ARHGAP40: variants seen among roughly 807,000 people sequenced by gnomAD.
ARHGAP40 encodes rho GTPase-activating protein 40.
In ARHGAP40, 43 loss-of-function variants were observed where a neutral mutation model predicts 73.5. The ratio of observed to expected loss-of-function variants is 0.58; its 90% CI spans 0.46 to 0.75. The LOEUF (loss-of-function observed/expected upper bound fraction) is 0.75. Ranked by LOEUF, ARHGAP40 falls within the 30% of genes least tolerant of loss-of-function variation. ARHGAP40 has a pLI of 0.00. For missense variants in ARHGAP40, 734 were observed against 861.8 expected (o/e 0.85, Z 1.86); for synonymous variants, 300 against 352.8 (o/e 0.85, Z 1.68).
At position 38,623,523 on chromosome 20, in the gene ARHGAP40, AGGACAGT is replaced by A. The variant is rs764380426; in HGVS notation, c.305_311del (p.Asp102AlafsTer43). The A allele has an allele frequency of 7.7e-7, 1 of 1,290,604 alleles. No individual in the cohort carries two copies. The highest frequency in any genetic ancestry group is 1.2e-5 in the South Asian group (1 of 80,970). 79.9% of individuals were successfully genotyped at this position (1,290,604 alleles called of 1,614,324 possible). On this transcript the variant is annotated frameshift_variant, in exon 2 of 15. Coordinates refer to ENST00000373345, the Ensembl canonical transcript of ARHGAP40. LOFTEE classifies it high-confidence loss of function. ...CAACAGAGAGATGAGCTGAGGGAAG[AGGACAGT>A]GGCGGGAATGAAGGCCAGCTTCCAG...
At chr20:38,626,878 G>A in intron 2 of ARHGAP40, 117 bp from the exon 3 acceptor site, 1 of 744,658 alleles carries the variant, frequency 1.3e-6, no homozygotes. Context: ...CTCACGATCA[G>A]ATATGCAGAA....
At position 38,640,670 on chromosome 20, in the gene ARHGAP40, C is replaced by T. The variant is rs191585599; in HGVS notation, c.1280-1056C>T. On this transcript the variant is annotated intron_variant, in intron 9 of 14. Coordinates refer to ENST00000373345, the Ensembl canonical transcript of ARHGAP40. ...TTTCTGGCCCCCTTTCCTCCTGGGC[C>T]CCTCCTTCCCCACTGTCTGGCCAGG... 7.2e-5 allele frequency among the ~76,000 whole-genome samples: 11 copies of T among 152,262 alleles called. No individual in the cohort carries two copies. In the East Asian group the frequency reaches 2.1e-3, roughly 29 times the overall value.
intron 1 of ARHGAP40, among the ~76,000 whole-genome samples, chr20:38,622,240 G>A (rs2088877510): frequency 6.6e-6 from 1 of 152,022 alleles, no homozygotes; most frequent in Non-Finnish European, 1.5e-5. Flanking sequence ...TTCCACATGG[G>A]AGCTTAAATA....
Position 38,646,022 on chromosome 20 carries a change from C to A in ARHGAP40, c.1570-25C>A, listed in dbSNP as rs1294982276. On this transcript the variant is annotated intron_variant, in intron 11 of 14. Coordinates refer to ENST00000373345, the Ensembl canonical transcript of ARHGAP40. This position sits in a 1 kb window ranked among gnomAD's most constrained non-coding sequence, Gnocchi z 4.5. Reference sequence around the variant, plus strand: ...CGCCCCCAGAAGTCCTATCCCCCTGCCAAAACTTGATCCTTTCTGGCCAGG... The same window carrying A: ...CGCCCCCAGAAGTCCTATCCCCCTGACAAAACTTGATCCTTTCTGGCCAGG... 5.4e-6 allele frequency: 7 copies of A among 1,287,476 alleles called. No homozygotes were observed. The highest frequency in any genetic ancestry group is 4.7e-5 in the Admixed American group (2 of 42,258). 79.8% of individuals were successfully genotyped at this position (1,287,476 alleles called of 1,614,324 possible). A position where few individuals can be genotyped will look rare whatever the true frequency, so the allele number is the denominator to read the frequency against.
At chr20:38,612,734 A>AGAAG (rs909178528) in intron 1 of ARHGAP40, among the ~76,000 whole-genome samples, 6 of 152,132 alleles carry the variant, frequency 3.9e-5, no homozygotes, top group South Asian at 2.1e-4. Flanking sequence ...AAGAAAAGAA[A>AGAAG]GAAGGAAGGA....
chr20:38,615,407 C>T, intron 1 of ARHGAP40: 3 of 728,246 alleles, frequency 4.1e-6, no homozygotes, highest in South Asian at 2.9e-5. Context: ...TAGCTCTTGT[C>T]CAGACTGAAG....
intron 13 of ARHGAP40, among the ~76,000 whole-genome samples, 164 bp from the exon 14 acceptor site, chr20:38,648,479 G>A (rs2089067659): frequency 6.6e-6 from 1 of 152,212 alleles, no homozygotes; most frequent in Middle Eastern, 3.2e-3. Context: ...TCTGTCACTG[G>A]CTCCAGCTCT....
At chr20:38,618,100 CT>C (rs745926184) in intron 1 of ARHGAP40, among the ~76,000 whole-genome samples, 4,322 of 141,648 alleles carry the variant, frequency 0.031, 188 homozygotes, top group African/African-American at 0.1. Flanking sequence ...AATTTCTTGA[CT>C]TTTTTTTTTT....
At position 38,602,073 on chromosome 20, in the gene ARHGAP40, G is replaced by C. The variant is rs929972968; in HGVS notation, c.131G>C (p.Gly44Ala). Residue 44 changes from glycine to alanine, a missense_variant, in exon 1 of 15, where the codon GGC (glycine) becomes GCC (alanine). Gly to Ala is a moderately conservative substitution (Grantham distance 60). Transcript: ENST00000373345. ...TGCGCCCAGCGCTGGGCCGACCTGG[G>C]CTGCAGGTACAGGGGTCACGGGAGC... 11 of 1,285,098 alleles carry C rather than the reference G, an allele frequency of 8.6e-6. No individual in the cohort carries two copies. The African/African-American group carries it at 1.2e-4, about 14-fold the overall frequency. 79.6% of individuals were successfully genotyped at this position (1,285,098 alleles called of 1,614,324 possible).
chr20:38,603,986 C>T (rs1347398220), intron 1 of ARHGAP40, among the ~76,000 whole-genome samples: 4 of 152,260 alleles, frequency 2.6e-5, no homozygotes, highest in Non-Finnish European at 5.9e-5. Context: ...GTCCCCCCAA[C>T]TCAAGATCCT....
At chr20:38,614,773 A>T (rs753428424) in intron 1 of ARHGAP40, 2 of 622,728 alleles carry the variant, frequency 3.2e-6, no homozygotes, top group Non-Finnish European at 5.7e-6. Context: ...TGCTTCTCCA[A>T]CAATGTCATG....
Position 38,634,715 on chromosome 20 carries a change from G to A in ARHGAP40, c.879G>A (p.Glu293=), listed in dbSNP as rs781138369. The A allele has an allele frequency of 2.3e-6, 3 of 1,305,148 alleles. No homozygotes were observed. The African/African-American group carries it at 4.6e-5, about 20-fold the overall frequency. 80.8% of individuals were successfully genotyped at this position (1,305,148 alleles called of 1,614,324 possible). A position where few individuals can be genotyped will look rare whatever the true frequency, so the allele number is the denominator to read the frequency against. The change falls in exon 6 of 15, where the codon GAG becomes GAA. Residue 293 remains glutamate, a synonymous_variant. Transcript: ENST00000373345. ...AGGTACCTTCTCTGGCCCTCATAGA[G>A]CTGACCGCGCTCTGTGACATCCTCG...
chr20:38,632,333 G>C (rs1444299504), intron 5 of ARHGAP40, among the ~76,000 whole-genome samples: 1 of 151,752 alleles, frequency 6.6e-6, no homozygotes, highest in African/African-American at 2.4e-5. Flanking sequence ...TGCAATCTTG[G>C]TTCACTGCAA....
chr20:38,602,733 A>G (rs1320377089), intron 1 of ARHGAP40, among the ~76,000 whole-genome samples: 1 of 152,250 alleles, frequency 6.6e-6, no homozygotes, highest in Non-Finnish European at 1.5e-5. Context: ...AAACTTGTAT[A>G]GTTTTACACA....
chr20:38,621,417 C>T lies in ARHGAP40; in HGVS notation c.138-1942C>T, dbSNP rs528762565. ...GAAATGGGGATATTTCAAATAAATG[C>T]GCTGTGTGGGGGACCTTCCTGTGAG... On this transcript the variant is annotated intron_variant, in intron 1 of 14. Transcript: ENST00000373345. Among the ~76,000 whole-genome samples the T allele has an allele frequency of 2.0e-5, 3 of 152,238 alleles. No homozygotes were observed. The South Asian group carries it at 6.2e-4, about 32-fold the overall frequency.
At chr20:38,609,316 AC>A (rs1266498664) in intron 1 of ARHGAP40, among the ~76,000 whole-genome samples, 3 of 152,016 alleles carry the variant, frequency 2.0e-5, no homozygotes, top group Non-Finnish European at 2.9e-5. Context: ...AGATTGCTGC[AC>A]CCCACCCCCA....
intron 5 of ARHGAP40, 130 bp from the exon 6 acceptor site, chr20:38,634,490 T>C: frequency 1.4e-6 from 1 of 721,476 alleles, no homozygotes; most frequent in African/African-American, 1.8e-5. Context: ...GATGGACTCC[T>C]CTTGAGTGCT....
In ARHGAP40 at chr20:38,601,898, C is replaced by T; in HGVS notation, c.-45C>T. On this transcript the variant is annotated 5_prime_UTR_variant, in exon 1 of 15. It adds an upstream start codon to the 5' untranslated region. Coordinates refer to ENST00000373345, the Ensembl canonical transcript of ARHGAP40. Reference sequence around the variant, plus strand: ...CACATTGCCGATCGAGTCAGCCCCACGGCGGCAGCACCACGACCGACCGGG... The same window carrying T: ...CACATTGCCGATCGAGTCAGCCCCATGGCGGCAGCACCACGACCGACCGGG... The T allele has an allele frequency of 7.8e-7, 1 of 1,286,644 alleles. No homozygotes were observed. The highest frequency in any genetic ancestry group is 1.0e-6 in the Non-Finnish European group (1 of 988,184). 79.7% of individuals were successfully genotyped at this position (1,286,644 alleles called of 1,614,324 possible). A position where few individuals can be genotyped will look rare whatever the true frequency, so the allele number is the denominator to read the frequency against.
At chr20:38,607,244 A>G (rs1016407795) in intron 1 of ARHGAP40, among the ~76,000 whole-genome samples, 7 of 151,976 alleles carry the variant, frequency 4.6e-5, no homozygotes, top group African/African-American at 1.7e-4. Flanking sequence ...TAAATCCTCC[A>G]CTCATCATTG....
Sources: gnomAD v4.1 joint callset for allele counts (sites outside exome capture counted in the v4.1 genomes callset) on GRCh38, gnomAD v4.1.1 for gene constraint, Gnocchi (gnomAD v3.1) non-coding constraint, MANE v1.5 for transcripts, NCBI Gene and HGNC (gene_info 2026-07-23, HGNC 2026-07-21) for gene names.